The following C10orf90 variants were observed in gnomAD, a reference collection of about 807,000 sequenced individuals.
The protein encoded by C10orf90 is chromosome 10 open reading frame 90, also known as (E2-independent) E3 ubiquitin-conjugating enzyme FATS.
Under a neutral mutation model 62.5 loss-of-function variants are expected in C10orf90, and 56 were observed. The ratio of observed to expected loss-of-function variants is 0.90; its 90% confidence interval spans 0.72 to 1.12. The LOEUF is 1.12. Among genes scored for constraint, C10orf90 ranks in the 50% most tolerant of loss-of-function variants. C10orf90 has a pLI of 0.00. For missense variants in C10orf90, 970 were observed against 880.4 expected (o/e 1.10, Z -1.29); for synonymous variants, 386 against 340.4 (o/e 1.13, Z -1.47).
At chr10:126,612,741 T>C (rs1366725792) in intron 2 of C10orf90, among the ~76,000 whole-genome samples, 1 of 152,204 alleles carries the variant, frequency 6.6e-6, no homozygotes, top group Non-Finnish European at 1.5e-5. Context: ...ATGTCTCAGA[T>C]GAGAAATATT....
chr10:126,482,187 C>T (rs567632690), intron 4 of C10orf90, among the ~76,000 whole-genome samples: 3 of 152,290 alleles, frequency 2.0e-5, no homozygotes, highest in African/African-American at 4.8e-5. Context: ...AATAAATGTG[C>T]TATGCTTTTG....
At chr10:126,609,548 A>G (rs1032019947) in intron 2 of C10orf90, among the ~76,000 whole-genome samples, 2 of 152,338 alleles carry the variant, frequency 1.3e-5, no homozygotes, top group Non-Finnish European at 2.9e-5. Flanking sequence ...GTACTGGGGA[A>G]ACAAAGCAAA....
intron 1 of C10orf90, among the ~76,000 whole-genome samples, chr10:126,668,457 C>T (rs74158868): frequency 0.035 from 5,368 of 152,276 alleles, 294 homozygotes; most frequent in African/African-American, 0.12. Flanking sequence ...GGAAATTGAG[C>T]AAGGAAGTTT....
At chr10:126,591,008 C>G (rs543929711) in intron 2 of C10orf90, among the ~76,000 whole-genome samples, 15 of 152,162 alleles carry the variant, frequency 9.9e-5, no homozygotes, top group Admixed American at 4.6e-4. Context: ...AGACTGAATA[C>G]CTGAATAGAC....
intron 4 of C10orf90, among the ~76,000 whole-genome samples, chr10:126,473,859 G>A (rs1008834116): frequency 2.6e-5 from 4 of 152,104 alleles, no homozygotes; most frequent in African/African-American, 9.7e-5. Context: ...TATATCAGAA[G>A]TGAGCCCCAG....
At chr10:126,509,919 T>C (rs1293009869) in intron 3 of C10orf90, among the ~76,000 whole-genome samples, 2 of 152,200 alleles carry the variant, frequency 1.3e-5, no homozygotes, top group Admixed American at 6.5e-5. Flanking sequence ...ACAACTGAAC[T>C]AGTTTTCTCA....
At chr10:126,433,081 C>T (rs757932742) in intron 7 of C10orf90, among the ~76,000 whole-genome samples, 2 of 152,178 alleles carry the variant, frequency 1.3e-5, no homozygotes, top group South Asian at 2.1e-4. Flanking sequence ...AAGATGGCAG[C>T]GTGCAGGTAG....
At chr10:126,627,317 T>C (rs914994167) in intron 2 of C10orf90, among the ~76,000 whole-genome samples, 3 of 152,172 alleles carry the variant, frequency 2.0e-5, no homozygotes, top group Admixed American at 2.0e-4. Flanking sequence ...TCTTAAACAA[T>C]GAGTATAACT....
intron 2 of C10orf90, among the ~76,000 whole-genome samples, chr10:126,641,919 T>G (rs1020480209): frequency 2.6e-5 from 4 of 152,172 alleles, no homozygotes; most frequent in African/African-American, 9.7e-5. Context: ...CTTCCCAGTC[T>G]TGGAATTTCC....
intron 2 of C10orf90, among the ~76,000 whole-genome samples, chr10:126,579,914 G>A (rs528560308): frequency 2.8e-4 from 43 of 152,232 alleles, no homozygotes; most frequent in South Asian, 4.2e-4. Context: ...GCATTTGTTC[G>A]AAATCATCAA....
chr10:126,471,075 G>A (rs970756918), intron 4 of C10orf90, among the ~76,000 whole-genome samples: 3 of 152,182 alleles, frequency 2.0e-5, no homozygotes, highest in Non-Finnish European at 4.4e-5. Context: ...AAGGTAGGAG[G>A]AGGCGGATAG....
intron 2 of C10orf90, among the ~76,000 whole-genome samples, chr10:126,538,835 T>G (rs190967884): frequency 2.3e-4 from 35 of 152,308 alleles, no homozygotes; most frequent in Non-Finnish European, 4.0e-4. Context: ...CACCTGATCA[T>G]GAAGGGTTTC....
intron 1 of C10orf90, among the ~76,000 whole-genome samples, chr10:126,664,673 A>G (rs1846589599): frequency 6.6e-6 from 1 of 152,176 alleles, no homozygotes; most frequent in Non-Finnish European, 1.5e-5. Context: ...AAATTTACCA[A>G]AATGATGTCA....
At chr10:126,640,271 G>T (rs940606305) in intron 2 of C10orf90, among the ~76,000 whole-genome samples, 1 of 152,260 alleles carries the variant, frequency 6.6e-6, no homozygotes, top group Non-Finnish European at 1.5e-5. Flanking sequence ...TGAGGAGCAG[G>T]TCAGAAGCCT....
At chr10:126,527,339 A>T (rs930895055) in intron 2 of C10orf90, among the ~76,000 whole-genome samples, 3 of 152,110 alleles carry the variant, frequency 2.0e-5, no homozygotes, top group African/African-American at 4.8e-5. Flanking sequence ...TCATGTGCTT[A>T]TTGGCCATTT....
At chr10:126,571,196 C>T (rs1844498423) in intron 2 of C10orf90, among the ~76,000 whole-genome samples, 1 of 152,244 alleles carries the variant, frequency 6.6e-6, no homozygotes, top group African/African-American at 2.4e-5. Context: ...CGAGGTCCTT[C>T]TGGGGACACT....
At chr10:126,510,204 A>G (rs1252244610) in intron 3 of C10orf90, among the ~76,000 whole-genome samples, 1 of 152,164 alleles carries the variant, frequency 6.6e-6, no homozygotes, top group Non-Finnish European at 1.5e-5. Context: ...TAGGACTTCA[A>G]CATATAAATT....
At chr10:126,582,045 G>A (rs1844763422) in intron 2 of C10orf90, among the ~76,000 whole-genome samples, 1 of 152,192 alleles carries the variant, frequency 6.6e-6, no homozygotes, top group African/African-American at 2.4e-5. Context: ...ACCATGAGAG[G>A]AACAGCATAT....
At chr10:126,636,889 C>A (rs1052265730) in intron 2 of C10orf90, among the ~76,000 whole-genome samples, 1 of 152,102 alleles carries the variant, frequency 6.6e-6, no homozygotes, top group African/African-American at 2.4e-5. Flanking sequence ...ACAGCGGGGA[C>A]CACAAGAGTT....
Sources: gnomAD v4.1 joint callset for allele counts (sites outside exome capture counted in the v4.1 genomes callset) on GRCh38, gnomAD v4.1.1 for gene constraint, MANE v1.5 for transcripts, NCBI Gene and HGNC (gene_info 2026-07-23, HGNC 2026-07-21) for gene names.